The following USH2A variants were observed in gnomAD, a reference collection of about 807,000 sequenced individuals.
The protein encoded by USH2A is Usher syndrome 2A (autosomal recessive, mild).
A neutral mutation model predicts 538.9 loss-of-function variants in USH2A; 443 were observed. That is an observed-to-expected ratio of 0.82 (90% CI 0.76 to 0.89). USH2A has a LOEUF of 0.89. USH2A is among the 40% of genes least tolerant of loss of function. The pLI, the probability that USH2A is intolerant of heterozygous loss-of-function variation, is 0.00. For missense variants in USH2A, 6,633 were observed against 6,324.8 expected, an observed-to-expected ratio of 1.05 and a Z score of -1.65; for synonymous variants, 2,413 against 2,273.5, an observed-to-expected ratio of 1.06 and a Z score of -1.75.
intron 11 of USH2A, among the ~76,000 whole-genome samples, chr1:216,282,941 T>G (rs1171778079): frequency 2.6e-5 from 4 of 152,200 alleles, no homozygotes; most frequent in African/African-American, 9.7e-5. Flanking sequence ...TACTAAATGT[T>G]TTTCTAAATA....
intron 13 of USH2A, 26 bp downstream of exon 13, chr1:216,246,559 G>A (rs373390087): frequency 4.5e-5 from 72 of 1,613,752 alleles, no homozygotes; most frequent in Non-Finnish European, 5.8e-5. Context: ...ATTGTGCACT[G>A]AAAATGTAAT....
rs534792057 is a variant in USH2A at position 216,059,773 on chromosome 1, T to TTTG, written c.6049+10325_6049+10327dup. 4.0e-3 allele frequency among the ~76,000 whole-genome samples: 613 copies of TTTG among 152,224 alleles called. 6 individuals are homozygous for TTTG. The highest frequency in any genetic ancestry group is 0.014 in the African/African-American group (585 of 41,536). ...TTTTGTTTTATTTTACTGTTTTTTC[T>TTTG]TTGTTGTTGTTGTTGTTGTTTTCCA... On this transcript the variant is annotated intron_variant, in intron 30 of 71. Coordinates refer to ENST00000307340, the MANE Select transcript of USH2A (RefSeq NM_206933.4).
chr1:215,819,670 A>C (rs1357435214), intron 47 of USH2A, among the ~76,000 whole-genome samples: 1 of 151,840 alleles, frequency 6.6e-6, no homozygotes, highest in Non-Finnish European at 1.5e-5. Context: ...TTATCCACAA[A>C]AGCTCGTGAA....
intron 11 of USH2A, among the ~76,000 whole-genome samples, chr1:216,286,011 T>C (rs1193323998): frequency 2.0e-5 from 3 of 152,184 alleles, no homozygotes; most frequent in Admixed American, 2.0e-4. Context: ...ATGCCTTGCC[T>C]CAGATGAGAC....
intron 14 of USH2A, among the ~76,000 whole-genome samples, chr1:216,231,659 T>G (rs2035696851): frequency 1.3e-5 from 2 of 152,020 alleles, no homozygotes; most frequent in Non-Finnish European, 2.9e-5. Context: ...GCGATTCTTC[T>G]GCCTCAGACT....
rs1659111048 is a variant in USH2A at position 215,704,059 on chromosome 1, CTA to C, written c.12067-23685_12067-23684del. 2.0e-5 allele frequency among the ~76,000 whole-genome samples: 3 copies of C among 152,334 alleles called. No individual in the cohort carries two copies. In the South Asian group the frequency reaches 6.2e-4, roughly 32 times the overall value. The stretch of plus-strand genomic sequence containing the variant: ...CACAGTCCCTCAAGGCTTCCTTTGG[CTA>C]GGGGAGGGAGTTCCCCGACCCCTTG... On this transcript the variant is annotated intron_variant, in intron 61 of 71. Transcript: ENST00000307340.
At chr1:216,006,028 C>T (rs917791729) in intron 32 of USH2A, among the ~76,000 whole-genome samples, 3 of 152,252 alleles carry the variant, frequency 2.0e-5, no homozygotes, top group African/African-American at 7.2e-5. Context: ...TGCTTCTCTC[C>T]TCTATGACTT....
At chr1:216,243,376 C>A (rs1200775632) in intron 13 of USH2A, among the ~76,000 whole-genome samples, 1 of 152,178 alleles carries the variant, frequency 6.6e-6, no homozygotes, top group Non-Finnish European at 1.5e-5. Context: ...GTTCTGCCAG[C>A]TAATTTTTTT....
intron 3 of USH2A, among the ~76,000 whole-genome samples, chr1:216,411,583 G>A (rs955730273): frequency 3.5e-4 from 53 of 152,156 alleles, no homozygotes; most frequent in African/African-American, 1.3e-3. Flanking sequence ...GAGCATCAAG[G>A]ATTGCTGCCA....
chr1:216,294,945 A>C (rs1558370645), intron 9 of USH2A, among the ~76,000 whole-genome samples: 1 of 151,720 alleles, frequency 6.6e-6, no homozygotes, highest in Non-Finnish European at 1.5e-5. Context: ...TTTGCCTGTA[A>C]AACAGTGAAG....
At chr1:215,691,233 A>T (rs912226655) in intron 61 of USH2A, among the ~76,000 whole-genome samples, 1 of 152,056 alleles carries the variant, frequency 6.6e-6, no homozygotes, top group Non-Finnish European at 1.5e-5. Flanking sequence ...GCAAAAGTGT[A>T]TTTTGGACAC....
rs114916647 is a variant in USH2A at position 215,755,650 on chromosome 1, C to T, written c.11389+2945G>A. Among the ~76,000 whole-genome samples the T allele has an allele frequency of 8.3e-3, 1,260 of 152,236 alleles. 16 individuals are homozygous for T. Among genetic ancestry groups the T allele is most frequent in the African/African-American group, 0.028 (1,163 of 41,550 alleles). On this transcript the variant is annotated intron_variant, in intron 58 of 71. Transcript: ENST00000307340. ...GGTTTCTGAAATGGATTCTGTGCAT[C>T]TTAAACTATAAGATTGACAGGTCTG...
intron 37 of USH2A, among the ~76,000 whole-genome samples, chr1:215,956,589 T>C (rs763704004): frequency 3.7e-4 from 56 of 152,074 alleles, no homozygotes; most frequent in Non-Finnish European, 5.9e-4. Flanking sequence ...ATGAGGACAA[T>C]GAAATCCTGT....
chr1:215,680,240 C>T lies in USH2A; in HGVS notation c.12203G>A (p.Gly4068Glu). ...CTGTTCTACTATAAAGTTTCTCAGT[C>T]CACTTGGGGAAGATTCTAAGGTTTG... ...LIQTLESSPS[G>E]LRNFIVEQKE... The change falls in exon 62 of 72, where the codon GGA (glycine) becomes GAA (glutamate). Residue 4068 changes from glycine to glutamate, a missense_variant. Transcript: ENST00000307340. The T allele has an allele frequency of 1.2e-6, 2 of 1,614,126 alleles. No individual in the cohort carries two copies. The highest frequency in any genetic ancestry group is 1.7e-6 in the Non-Finnish European group (2 of 1,180,010).
At chr1:216,272,831 C>A (rs1031415544) in intron 11 of USH2A, among the ~76,000 whole-genome samples, 1 of 152,146 alleles carries the variant, frequency 6.6e-6, no homozygotes, top group Middle Eastern at 3.4e-3. Flanking sequence ...CCTAGGAAGA[C>A]AAACAACAAA....
rs369454256 is a variant in USH2A, at chr1:216,375,216, G to A, written c.652-10131C>T. Among the ~76,000 whole-genome samples the A allele has an allele frequency of 1.7e-3, 264 of 152,248 alleles. 12 individuals are homozygous for A. The South Asian group carries it at 0.053, about 31-fold the overall frequency. ...CAAGAGACTCAGTCTTATTTTTGGA[G>A]CTTTGAAACTAGGCATTGATTTCTC... On this transcript the variant is annotated intron_variant, in intron 3 of 71. Coordinates refer to ENST00000307340, the MANE Select transcript of USH2A (RefSeq NM_206933.4).
At chr1:215,642,638 C>T (rs943483205) in intron 67 of USH2A, among the ~76,000 whole-genome samples, 2 of 152,154 alleles carry the variant, frequency 1.3e-5, no homozygotes. Context: ...TGTTTCACTA[C>T]ATTTTACTAC....
intron 26 of USH2A, among the ~76,000 whole-genome samples, chr1:216,079,379 C>T (rs2031855555): frequency 1.3e-5 from 2 of 152,060 alleles, no homozygotes; most frequent in Non-Finnish European, 2.9e-5. Context: ...AAAGTGAAAG[C>T]AGAGAACAGA....
chr1:216,308,094 T>C (rs1310766172), intron 9 of USH2A, among the ~76,000 whole-genome samples: 2 of 152,190 alleles, frequency 1.3e-5, no homozygotes, highest in Non-Finnish European at 2.9e-5. Context: ...TAGTCCTGCC[T>C]CCTATCCTTT....
Sources: allele counts gnomAD v4.1 joint callset (sites outside exome capture counted in the v4.1 genomes callset), GRCh38; gene constraint gnomAD v4.1.1; transcripts MANE v1.5; gene names NCBI Gene and HGNC (gene_info 2026-07-23, HGNC 2026-07-21).